The following SCARB1 variants were observed in gnomAD, a reference collection of about 807,000 sequenced individuals.
SCARB1 encodes CD36 and LIMPII analogous 1.
A neutral mutation model predicts 57.2 loss-of-function variants in SCARB1; 30 were observed. The ratio of observed to expected loss-of-function variants is 0.52; its 90% CI spans 0.39 to 0.71. SCARB1 has a LOEUF of 0.71. SCARB1 is among the 30% of genes least tolerant of loss of function. The pLI, the probability that SCARB1 is intolerant of heterozygous loss-of-function variation, is 0.00. For missense variants in SCARB1, 543 were observed against 671.2 expected, an observed-to-expected ratio of 0.81 and a Z score of 2.11; for synonymous variants, 249 against 268.3, an observed-to-expected ratio of 0.93 and a Z score of 0.70.
chr12:124,787,871 T>C (rs533769516), intron 9 of SCARB1, among the ~76,000 whole-genome samples: 1 of 152,326 alleles, frequency 6.6e-6, no homozygotes, highest in South Asian at 2.1e-4. Flanking sequence ...TTTCTGCCAT[T>C]TCTTACCCTC....
At chr12:124,819,034 G>T (rs1950845839) in intron 1 of SCARB1, among the ~76,000 whole-genome samples, 1 of 151,988 alleles carries the variant, frequency 6.6e-6, no homozygotes, top group Non-Finnish European at 1.5e-5. Flanking sequence ...GGCTGAGATG[G>T]GAGGGTCACT....
At chr12:124,802,505 G>A (rs1398942249) in intron 7 of SCARB1, among the ~76,000 whole-genome samples, 2 of 152,098 alleles carry the variant, frequency 1.3e-5, no homozygotes, top group African/African-American at 2.4e-5. Context: ...CAGCCACGGA[G>A]CCGAACTCTG....
intron 1 of SCARB1, among the ~76,000 whole-genome samples, chr12:124,835,573 GAAATTTTTCAT>G (rs1302700977): frequency 1.3e-5 from 2 of 152,004 alleles, no homozygotes; most frequent in Non-Finnish European, 2.9e-5. Flanking sequence ...CCCAGCCCTT[GAAATTTTTCAT>G]AAATTTTTTT....
At position 124,814,001 on chromosome 12, in the gene SCARB1, C is replaced by T. The variant is rs936681839; in HGVS notation, c.630+201G>A. On this transcript the variant is annotated intron_variant, in intron 4 of 12. Coordinates refer to ENST00000261693, the MANE Select transcript of SCARB1 (RefSeq NM_005505.5). The surrounding 1 kb of genome is among the most constrained non-coding windows in gnomAD (Gnocchi z 4.7). ...TGGATCAAGCTGTACCTGAATCCAA[C>T]CCTAGCATTTTCAGTTCTATGAGCC... 6.6e-6 allele frequency among the ~76,000 whole-genome samples: 1 copy of T among 152,188 alleles called. No individual in the cohort carries two copies. Among genetic ancestry groups the T allele is most frequent in the African/African-American group, 2.4e-5 (1 of 41,442 alleles).
At chr12:124,816,467 G>A (rs967986941) in intron 2 of SCARB1, among the ~76,000 whole-genome samples, 1 of 152,350 alleles carries the variant, frequency 6.6e-6, no homozygotes. Flanking sequence ...ATGAACGAGC[G>A]AATGAGTGAA....
intron 1 of SCARB1, among the ~76,000 whole-genome samples, chr12:124,844,969 G>A (rs1399329702): frequency 6.6e-6 from 1 of 151,982 alleles, no homozygotes; most frequent in Non-Finnish European, 1.5e-5. Flanking sequence ...TGGTCACACA[G>A]CAGCAGGAGG....
chr12:124,786,054 C>T (rs758186626), intron 11 of SCARB1: 5 of 1,514,256 alleles, frequency 3.3e-6, no homozygotes. Flanking sequence ...TCCCCGGGTG[C>T]TGACTTGATG....
At chr12:124,854,345 C>T (rs4765627) in intron 1 of SCARB1, among the ~76,000 whole-genome samples, 19,654 of 152,220 alleles carry the variant, frequency 0.13, 1,356 homozygotes, top group East Asian at 0.21. Context: ...GGAATGCGGA[C>T]GTCGCCAGAA....
chr12:124,795,296 T>C (rs373880743), intron 8 of SCARB1, 28 bp from the exon 9 acceptor site: 3 of 1,593,852 alleles, frequency 1.9e-6, no homozygotes, highest in Non-Finnish European at 2.6e-6. Flanking sequence ...GTGAGGAGAC[T>C]GGCCACCCCC....
intron 1 of SCARB1, among the ~76,000 whole-genome samples, chr12:124,832,382 T>C (rs972300226): frequency 8.5e-5 from 13 of 152,090 alleles, no homozygotes; most frequent in African/African-American, 3.1e-4. Flanking sequence ...TAGCCAGGTG[T>C]GGTGTCAGGC....
rs1950769024 is a variant in SCARB1, at chr12:124,817,188, A to C, written c.284+362T>G. ...TGTGTAACTCACACATGCACCCTCC[A>C]CCCAGACGCACACCATTGGTCCCTC... On this transcript the variant is annotated intron_variant, in intron 2 of 12. Transcript: ENST00000261693. The surrounding 1 kb of genome is among the most constrained non-coding windows in gnomAD (Gnocchi z 4.8). 6.6e-6 allele frequency among the ~76,000 whole-genome samples: 1 copy of C among 151,260 alleles called. No homozygotes were observed. The highest frequency in any genetic ancestry group is 6.6e-5 in the Admixed American group (1 of 15,176).
At chr12:124,831,594 C>A (rs1274248849) in intron 1 of SCARB1, among the ~76,000 whole-genome samples, 2 of 152,128 alleles carry the variant, frequency 1.3e-5, no homozygotes, top group Non-Finnish European at 2.9e-5. Context: ...CCACCAGGGG[C>A]CCTGGAGAGA....
At chr12:124,794,476 C>T (rs1301016829) in intron 9 of SCARB1, among the ~76,000 whole-genome samples, 3 of 148,376 alleles carry the variant, frequency 2.0e-5, no homozygotes, top group African/African-American at 7.6e-5. Flanking sequence ...TCTCGGCTCA[C>T]TGCAAGCTCC....
chr12:124,810,702 G>A lies in SCARB1; in HGVS notation c.727-413C>T, dbSNP rs189291046. Reference sequence around the variant, plus strand: ...TAAAATCATAATGGTGGCCACCACCGGGCAACCCCAAAACAGAACCTGTCA... The same window carrying A: ...TAAAATCATAATGGTGGCCACCACCAGGCAACCCCAAAACAGAACCTGTCA... On this transcript the variant is annotated intron_variant, in intron 5 of 12. Transcript: ENST00000261693. The surrounding 1 kb of genome is among the most constrained non-coding windows in gnomAD (Gnocchi z 4.0). 1.8e-4 allele frequency among the ~76,000 whole-genome samples: 27 copies of A among 152,274 alleles called. No homozygotes were observed. In the East Asian group the frequency reaches 3.7e-3, roughly 21 times the overall value.
rs140201282 is a variant in SCARB1, at chr12:124,789,984, C to G, written c.1203-2527G>C. 1.4e-5 allele frequency among the ~76,000 whole-genome samples: 2 copies of G among 142,266 alleles called. No individual in the cohort carries two copies. The highest frequency in any genetic ancestry group is 5.6e-5 in the African/African-American group (2 of 35,626). 93.3% of individuals were successfully genotyped at this position (142,266 alleles called of 152,430 possible). On this transcript the variant is annotated intron_variant, in intron 9 of 12. Transcript: ENST00000261693. The surrounding 1 kb of genome is among the most constrained non-coding windows in gnomAD (Gnocchi z 4.4). ...GGAGATCATGCCATTGCACTCCAGC[C>G]TGGCGACAGAGTGAGACTCCGTCTC...
At chr12:124,780,521 A>G (rs1038397730) in intron 12 of SCARB1, among the ~76,000 whole-genome samples, 9 of 152,140 alleles carry the variant, frequency 5.9e-5, no homozygotes, top group African/African-American at 1.4e-4. Context: ...CTGCAGGGGG[A>G]CCACCAGCCA....
At chr12:124,788,696 A>G (rs556150006) in intron 9 of SCARB1, among the ~76,000 whole-genome samples, 1 of 152,296 alleles carries the variant, frequency 6.6e-6, no homozygotes, top group Admixed American at 6.5e-5. Context: ...TAAAATAACA[A>G]TATACCTTTG....
chr12:124,836,032 T>C (rs11057845), intron 1 of SCARB1, among the ~76,000 whole-genome samples: 29,716 of 152,126 alleles, frequency 0.2, 2,982 homozygotes, highest in African/African-American at 0.23. Flanking sequence ...CATTCATTCA[T>C]TCATTCATTC....
chr12:124,779,695 C>T (rs1428129132), intron 12 of SCARB1, among the ~76,000 whole-genome samples: 1 of 152,202 alleles, frequency 6.6e-6, no homozygotes, highest in Admixed American at 6.5e-5. Flanking sequence ...AGCCTTCGTC[C>T]CACTAAGCCC....
Sources: allele counts gnomAD v4.1 joint callset (sites outside exome capture counted in the v4.1 genomes callset), GRCh38; gene constraint gnomAD v4.1.1; non-coding constraint Gnocchi (gnomAD v3.1); transcripts MANE v1.5; gene names NCBI Gene and HGNC (gene_info 2026-07-23, HGNC 2026-07-21).